TRNAU1AP: variants seen among roughly 807,000 people sequenced by gnomAD.
TRNAU1AP encodes tRNA selenocysteine 1 associated protein 1, also known as tRNA selenocysteine 1-associated protein 1.
TRNAU1AP carries 33 observed loss-of-function variants against 43.3 expected under a neutral mutation model. That is an observed-to-expected ratio of 0.76 (90% CI 0.58 to 1.02). The LOEUF (loss-of-function observed/expected upper bound fraction) is 1.02. Among genes scored for constraint, TRNAU1AP ranks in the 50% least tolerant of loss-of-function variants. The pLI, the probability that TRNAU1AP is intolerant of heterozygous loss-of-function variation, is 0.00. For synonymous variants in TRNAU1AP, 143 were observed against 129.1 expected, an observed-to-expected ratio of 1.11 and a Z score of -0.73; for missense variants, 290 against 362.7, an observed-to-expected ratio of 0.80 and a Z score of 1.63.
rs760408427 is a variant in TRNAU1AP, at chr1:28,577,806, T to G, written c.*170T>G. ...CTGCATTCATTTGACCATTTGAGTT[T>G]GAAGACCAAGGGAACAACTTTTAAA... On this transcript the variant is annotated 3_prime_UTR_variant, in exon 9 of 9. Transcript: ENST00000373830. 6 of 746,698 alleles carry G rather than the reference T, an allele frequency of 8.0e-6. No individual in the cohort carries two copies. Among genetic ancestry groups the G allele is most frequent in the Non-Finnish European group, 1.3e-5 (6 of 477,198 alleles). 46.3% of individuals were successfully genotyped at this position (746,698 alleles called of 1,614,324 possible).
chr1:28,561,989 C>G (rs1665418873), intron 4 of TRNAU1AP, among the ~76,000 whole-genome samples: 1 of 120,692 alleles, frequency 8.3e-6, no homozygotes, highest in Non-Finnish European at 1.6e-5. Flanking sequence ...GGAGGCTCAC[C>G]TGAGCCCAGG....
intron 6 of TRNAU1AP, among the ~76,000 whole-genome samples, chr1:28,569,831 CAAAAAAAAAA>C (rs760723401): frequency 1.9e-5 from 2 of 106,374 alleles, no homozygotes; most frequent in African/African-American, 6.8e-5. Flanking sequence ...CTAAAAATAC[CAAAAAAAAAA>C]AAAAAAAAAA....
In TRNAU1AP at chr1:28,571,915, G is replaced by A. The variant is rs752048132; in HGVS notation, c.727+15G>A. On this transcript the variant is annotated intron_variant, in intron 8 of 8. Coordinates refer to ENST00000373830, the MANE Select transcript of TRNAU1AP (RefSeq NM_017846.5). ...TGCATTGGAAGGTAAGGGTTCATAC[G>A]TTCCTTACTCTGTCAGCCATTATCA... 2.0e-5 allele frequency: 32 copies of A among 1,609,144 alleles called. No individual in the cohort carries two copies. Among genetic ancestry groups the A allele is most frequent in the Admixed American group, 6.7e-5 (4 of 59,958 alleles).
intron 2 of TRNAU1AP, among the ~76,000 whole-genome samples, chr1:28,555,979 A>G (rs1283779648): frequency 1.3e-5 from 2 of 150,440 alleles, no homozygotes; most frequent in African/African-American, 2.4e-5. Context: ...TCAGCCTCCC[A>G]AGTAGCTGGG....
chr1:28,576,009 C>CA (rs1003707026), intron 8 of TRNAU1AP, among the ~76,000 whole-genome samples: 3 of 140,818 alleles, frequency 2.1e-5, no homozygotes, highest in Non-Finnish European at 3.1e-5. Context: ...TACAGGCGTG[C>CA]ACTGCCATAC....
Position 28,578,222 on chromosome 1 carries a change from G to A in TRNAU1AP, c.*586G>A, listed in dbSNP as rs374565902. On this transcript the variant is annotated 3_prime_UTR_variant, in exon 9 of 9. Coordinates refer to ENST00000373830, the MANE Select transcript of TRNAU1AP (RefSeq NM_017846.5). ...GCAGCATCTGCATATACAAGGCCTG[G>A]ATCACTTTAGGATCAATATTTTGAC... The A allele has an allele frequency of 1.3e-5, 2 of 158,414 alleles. No homozygotes were observed. Among genetic ancestry groups the A allele is most frequent in the East Asian group, 1.9e-4 (1 of 5,354 alleles). The allele number at this position is 158,414 out of a possible 1,614,324, so 9.8% of individuals were successfully genotyped here. A position where few individuals can be genotyped will look rare whatever the true frequency, so the allele number is the denominator to read the frequency against.
chr1:28,575,105 C>A lies in TRNAU1AP; in HGVS notation c.728-2395C>A, dbSNP rs1017328968. Among the ~76,000 whole-genome samples, 6 of 152,118 alleles carry A rather than the reference C, an allele frequency of 3.9e-5. 1 individual carries two copies. The highest frequency in any genetic ancestry group is 1.4e-4 in the African/African-American group (6 of 41,432). On this transcript the variant is annotated intron_variant, in intron 8 of 8. Transcript: ENST00000373830. ...TGCCTTCTTTCTAGAGATAATTAGC[C>A]TCATAATATCTGTAGATAAGTCCTT...
intron 5 of TRNAU1AP, chr1:28,565,225 C>T (rs769757227): frequency 6.2e-5 from 13 of 210,022 alleles, no homozygotes; most frequent in Non-Finnish European, 1.1e-4. Context: ...TGGCTCATGC[C>T]TGTAATCCTA....
intron 2 of TRNAU1AP, among the ~76,000 whole-genome samples, chr1:28,556,412 C>T (rs373553701): frequency 2.0e-5 from 3 of 151,338 alleles, no homozygotes; most frequent in Admixed American, 1.3e-4. Context: ...TGCAGTGAGC[C>T]GAGATTGTGC....
chr1:28,553,103 G>T lies in TRNAU1AP; in HGVS notation c.-8G>T, dbSNP rs1183664465. The T allele has an allele frequency of 6.6e-7, 1 of 1,523,722 alleles. No individual in the cohort carries two copies. The highest frequency in any genetic ancestry group is 8.8e-7 in the Non-Finnish European group (1 of 1,134,314). The allele number at this position is 1,523,722 out of a possible 1,614,324, so 94.4% of individuals were successfully genotyped here. A position where few individuals can be genotyped will look rare whatever the true frequency, so the allele number is the denominator to read the frequency against. On this transcript the variant is annotated 5_prime_UTR_variant, in exon 1 of 9. Coordinates refer to ENST00000373830, the MANE Select transcript of TRNAU1AP (RefSeq NM_017846.5). Reference sequence around the variant, plus strand: ...CCCGCCCGCAAAGCCCCACCCCGGTGCGCGGGTATGGCGGCCAGCCTGTGG... The same window carrying T: ...CCCGCCCGCAAAGCCCCACCCCGGTTCGCGGGTATGGCGGCCAGCCTGTGG...
At chr1:28,558,296 A>G (rs1478194319) in intron 2 of TRNAU1AP, among the ~76,000 whole-genome samples, 3 of 138,334 alleles carry the variant, frequency 2.2e-5, no homozygotes, top group Non-Finnish European at 4.7e-5. Flanking sequence ...GCTCACTGCA[A>G]CCTCTCCCTC....
At chr1:28,554,769 A>G (rs1244068929) in intron 2 of TRNAU1AP, among the ~76,000 whole-genome samples, 3 of 150,790 alleles carry the variant, frequency 2.0e-5, no homozygotes, top group Non-Finnish European at 4.4e-5. Flanking sequence ...GCGTGAACCC[A>G]GGAGGCGGAG....
chr1:28,561,578 A>T (rs750704888), intron 4 of TRNAU1AP, among the ~76,000 whole-genome samples, 180 bp downstream of exon 4: 1 of 152,066 alleles, frequency 6.6e-6, no homozygotes, highest in Non-Finnish European at 1.5e-5. Context: ...GCTTTTCTGT[A>T]TTTGGTCCCT....
intron 2 of TRNAU1AP, among the ~76,000 whole-genome samples, chr1:28,557,364 G>A (rs559813800): frequency 2.7e-4 from 41 of 151,354 alleles, no homozygotes; most frequent in Admixed American, 1.1e-3. Flanking sequence ...AGCTTGCAGC[G>A]AGCGGAGATC....
intron 5 of TRNAU1AP, among the ~76,000 whole-genome samples, chr1:28,566,603 C>CA (rs1279919157): frequency 9.9e-5 from 15 of 150,902 alleles, no homozygotes; most frequent in Admixed American, 2.6e-4. Context: ...AAATAAAATA[C>CA]AAAAAATCAG....
At chr1:28,567,136 C>T (rs996855637) in intron 5 of TRNAU1AP, among the ~76,000 whole-genome samples, 158 bp from the exon 6 acceptor site, 1 of 152,206 alleles carries the variant, frequency 6.6e-6, no homozygotes, top group Non-Finnish European at 1.5e-5. Context: ...ATGGGACTCT[C>T]CTTTCTTCCT....
intron 8 of TRNAU1AP, among the ~76,000 whole-genome samples, chr1:28,575,733 C>T (rs1373520357): frequency 6.7e-6 from 1 of 150,274 alleles, no homozygotes; most frequent in East Asian, 2.0e-4. Context: ...TTCTATTTTT[C>T]TAACCCCATA....
At chr1:28,574,186 C>G (rs1665725005) in intron 8 of TRNAU1AP, among the ~76,000 whole-genome samples, 1 of 150,136 alleles carries the variant, frequency 6.7e-6, no homozygotes, top group Non-Finnish European at 1.5e-5. Flanking sequence ...CTCCCAGGTT[C>G]AAGTGATTCT....
intron 8 of TRNAU1AP, 22 bp from the exon 9 acceptor site, chr1:28,577,478 C>T (rs1570262999): frequency 6.2e-7 from 1 of 1,612,440 alleles, no homozygotes; most frequent in East Asian, 2.2e-5. Context: ...CTTCCCTGAC[C>T]CCATCCTTGC....
Sources: gnomAD v4.1 joint callset for allele counts (sites outside exome capture counted in the v4.1 genomes callset) on GRCh38, gnomAD v4.1.1 for gene constraint, MANE v1.5 for transcripts, NCBI Gene and HGNC (gene_info 2026-07-23, HGNC 2026-07-21) for gene names.